The following SLIT3 variants were observed in gnomAD, a reference collection of about 807,000 sequenced individuals.
The protein encoded by SLIT3 is slit guidance ligand 3, also known as slit homolog 3 protein.
SLIT3 carries 68 observed loss-of-function variants against 184.0 expected under a neutral mutation model. The ratio of observed to expected loss-of-function variants is 0.37; its 90% CI spans 0.30 to 0.45. The LOEUF (loss-of-function observed/expected upper bound fraction) is 0.45, where lower values mean the gene tolerates loss of function less well. SLIT3 is among the 20% of genes least tolerant of loss of function. SLIT3 has a pLI of 1.00. For missense variants in SLIT3, 1,707 were observed against 2,026.0 expected (o/e 0.84, Z 3.02); for synonymous variants, 831 against 828.6 (o/e 1.00, Z -0.05).
intron 4 of SLIT3, among the ~76,000 whole-genome samples, chr5:169,156,038 T>G (rs1762294355): frequency 6.6e-6 from 1 of 152,204 alleles, no homozygotes; most frequent in Non-Finnish European, 1.5e-5. Flanking sequence ...CCACAGAAAG[T>G]TATTTTACTT....
intron 4 of SLIT3, among the ~76,000 whole-genome samples, chr5:169,111,010 C>T (rs747630406): frequency 5.9e-5 from 9 of 152,218 alleles, no homozygotes; most frequent in Non-Finnish European, 1.0e-4. Flanking sequence ...CCTTTGCCCT[C>T]TCTGCAACGG....
At chr5:169,069,860 C>T (rs919196148) in intron 4 of SLIT3, among the ~76,000 whole-genome samples, 11 of 152,092 alleles carry the variant, frequency 7.2e-5, no homozygotes, top group African/African-American at 2.7e-4. Flanking sequence ...CACAGAGGAA[C>T]ACATGCAATG....
At chr5:168,722,703 C>T (rs1581005572) in intron 22 of SLIT3, among the ~76,000 whole-genome samples, 1 of 152,240 alleles carries the variant, frequency 6.6e-6, no homozygotes, top group Admixed American at 6.5e-5. Flanking sequence ...ATTCCTAAGA[C>T]AGCCTTCTTC....
intron 18 of SLIT3, among the ~76,000 whole-genome samples, chr5:168,750,761 C>T (rs1165058797): frequency 6.6e-6 from 1 of 151,974 alleles, no homozygotes; most frequent in African/African-American, 2.4e-5. Flanking sequence ...CATTCCTTTA[C>T]TCAACAATTA....
chr5:169,092,310 T>G (rs543550496), intron 4 of SLIT3, among the ~76,000 whole-genome samples: 2 of 152,314 alleles, frequency 1.3e-5, no homozygotes, highest in South Asian at 4.1e-4. Context: ...TGGCCATTGC[T>G]AGGGACCAAG....
chr5:168,969,512 G>A (rs1042580373), intron 4 of SLIT3, among the ~76,000 whole-genome samples: 3 of 152,164 alleles, frequency 2.0e-5, no homozygotes, highest in Non-Finnish European at 4.4e-5. Context: ...TTTTTCTCCT[G>A]TTGAGGGAAA....
At chr5:168,883,380 T>C in intron 4 of SLIT3, 44 bp from the exon 5 acceptor site, 1 of 1,402,962 alleles carries the variant, frequency 7.1e-7, no homozygotes, top group Non-Finnish European at 1.0e-6. Flanking sequence ...AGACCCAGGC[T>C]GTCTTGATCT....
rs1862153 is a variant in SLIT3, at chr5:169,214,880, A to T, written c.342-21330T>A. Among the ~76,000 whole-genome samples, 21 of 151,990 alleles carry T rather than the reference A, an allele frequency of 1.4e-4. No individual in the cohort carries two copies. In the East Asian group the frequency reaches 3.9e-3, roughly 28 times the overall value. On this transcript the variant is annotated intron_variant, in intron 3 of 35. Coordinates refer to ENST00000519560, the MANE Select transcript of SLIT3 (RefSeq NM_003062.4). ...AATCAATCGCTGTATGCCATGAGGT[A>T]TGCATCTTTAAATATGTCTCCAAAC... is the stretch of plus-strand genomic sequence containing the variant.
intron 4 of SLIT3, among the ~76,000 whole-genome samples, chr5:168,984,392 C>T (rs918396530): frequency 6.6e-6 from 1 of 152,098 alleles, no homozygotes; most frequent in Non-Finnish European, 1.5e-5. Flanking sequence ...AACCAGCTAC[C>T]CCATCTGAAT....
At chr5:168,981,270 T>C (rs1254677275) in intron 4 of SLIT3, among the ~76,000 whole-genome samples, 1 of 152,068 alleles carries the variant, frequency 6.6e-6, no homozygotes, top group Non-Finnish European at 1.5e-5. Flanking sequence ...CACTGTGGGG[T>C]GCATGCCAAT....
chr5:168,931,237 C>T (rs1162928718), intron 4 of SLIT3, among the ~76,000 whole-genome samples: 1 of 152,204 alleles, frequency 6.6e-6, no homozygotes, highest in African/African-American at 2.4e-5. Context: ...ATTTCATTTT[C>T]CCCTTTATCT....
intron 4 of SLIT3, among the ~76,000 whole-genome samples, chr5:169,142,524 T>C (rs1443258371): frequency 2.0e-5 from 3 of 152,156 alleles, no homozygotes; most frequent in African/African-American, 4.8e-5. Flanking sequence ...GTTCATTAGC[T>C]CTAAGACTGA....
chr5:168,746,734 TGGTGTGCGGTG>T (rs1754452152), intron 20 of SLIT3, among the ~76,000 whole-genome samples: 1 of 67,852 alleles, frequency 1.5e-5, no homozygotes. Flanking sequence ...CGGTGTGTGG[TGGTGTGCGGTG>T]GTGTGGGTGT....
intron 4 of SLIT3, among the ~76,000 whole-genome samples, chr5:169,131,687 G>A (rs1177456634): frequency 6.6e-6 from 1 of 152,150 alleles, no homozygotes; most frequent in Non-Finnish European, 1.5e-5. Flanking sequence ...ATCATTATCT[G>A]TACTTCTTAC....
chr5:169,290,684 G>T (rs1179380424), intron 1 of SLIT3, among the ~76,000 whole-genome samples: 2 of 141,620 alleles, frequency 1.4e-5, no homozygotes, highest in Non-Finnish European at 3.1e-5. Flanking sequence ...TAGGGCACAT[G>T]CTGGGGCACG....
chr5:169,181,987 T>G (rs1292589723), intron 4 of SLIT3, among the ~76,000 whole-genome samples: 1 of 152,168 alleles, frequency 6.6e-6, no homozygotes, highest in African/African-American at 2.4e-5. Context: ...AGCTGACTCG[T>G]TGACTAAAAA....
At chr5:168,671,585 T>C in intron 33 of SLIT3, 102 bp from the exon 34 acceptor site, 1 of 1,321,576 alleles carries the variant, frequency 7.6e-7, no homozygotes, top group South Asian at 1.5e-5. Flanking sequence ...GCCAGAACTC[T>C]GGGCCTCTGC....
At chr5:169,007,216 C>A (rs1755968614) in intron 4 of SLIT3, among the ~76,000 whole-genome samples, 1 of 152,224 alleles carries the variant, frequency 6.6e-6, no homozygotes, top group South Asian at 2.1e-4. Flanking sequence ...GAGGCCTCCT[C>A]AGCCATGTGA....
chr5:169,078,240 C>G (rs1758822984), intron 4 of SLIT3, among the ~76,000 whole-genome samples: 1 of 152,184 alleles, frequency 6.6e-6, no homozygotes, highest in Non-Finnish European at 1.5e-5. Flanking sequence ...AGGCCCAAGT[C>G]CAACGCAAAC....
Sources: gnomAD v4.1 joint callset for allele counts (sites outside exome capture counted in the v4.1 genomes callset) on GRCh38, gnomAD v4.1.1 for gene constraint, MANE v1.5 for transcripts, NCBI Gene and HGNC (gene_info 2026-07-23, HGNC 2026-07-21) for gene names.